Variants in MEIKIN observed in about 807,000 individuals in gnomAD.
MEIKIN encodes meiotic kinetochore factor.
intron 8 of MEIKIN, among the ~76,000 whole-genome samples, chr5:131,899,134 T>C (rs926063411): frequency 6.6e-6 from 1 of 152,098 alleles, no homozygotes; most frequent in African/African-American, 2.4e-5. Flanking sequence ...CAATAACTTT[T>C]CAAGACATAA....
intron 11 of MEIKIN, among the ~76,000 whole-genome samples, chr5:131,844,429 GA>G (rs1749974380): frequency 6.6e-6 from 1 of 152,204 alleles, no homozygotes; most frequent in African/African-American, 2.4e-5. Flanking sequence ...TTACTGCCTT[GA>G]GAGAATTTCT....
intron 4 of MEIKIN, among the ~76,000 whole-genome samples, chr5:131,934,771 C>T (rs1751745629): frequency 6.6e-6 from 1 of 152,092 alleles, no homozygotes; most frequent in South Asian, 2.1e-4. Context: ...AAAAGACAAG[C>T]TATAGGCTGG....
At chr5:131,859,671 T>G (rs1340919599) in intron 9 of MEIKIN, among the ~76,000 whole-genome samples, 1 of 152,200 alleles carries the variant, frequency 6.6e-6, no homozygotes, top group African/African-American at 2.4e-5. Context: ...AAATCTCTTT[T>G]CTTATAAATT....
chr5:131,909,438 T>C (rs1482688025), intron 8 of MEIKIN, among the ~76,000 whole-genome samples: 6 of 152,072 alleles, frequency 3.9e-5, no homozygotes, highest in Admixed American at 3.9e-4. Context: ...AAAACTTAAA[T>C]CTAAGACCTC....
chr5:131,934,396 G>C (rs1751739300), intron 4 of MEIKIN, among the ~76,000 whole-genome samples: 1 of 152,040 alleles, frequency 6.6e-6, no homozygotes, highest in Non-Finnish European at 1.5e-5. Flanking sequence ...TAATAAGAGA[G>C]CATGGAAATA....
intron 11 of MEIKIN, 21 bp downstream of exon 11, chr5:131,851,243 A>G (rs1750109306): frequency 2.5e-6 from 1 of 397,540 alleles, no homozygotes; most frequent in African/African-American, 2.1e-5. Flanking sequence ...TAGTAATTGA[A>G]GGAAAAATGG....
At chr5:131,892,243 C>T (rs1750936739) in intron 8 of MEIKIN, among the ~76,000 whole-genome samples, 1 of 152,112 alleles carries the variant, frequency 6.6e-6, no homozygotes, top group African/African-American at 2.4e-5. Flanking sequence ...TCTGTATTTC[C>T]TGAATGTGAA....
chr5:131,828,945 G>C (rs1176136894), intron 11 of MEIKIN, among the ~76,000 whole-genome samples: 2 of 152,118 alleles, frequency 1.3e-5, no homozygotes, highest in Non-Finnish European at 2.9e-5. Context: ...TATCAAACTT[G>C]TTGGATAAAG....
chr5:131,898,810 G>A (rs1019780387), intron 8 of MEIKIN, among the ~76,000 whole-genome samples: 5 of 152,212 alleles, frequency 3.3e-5, no homozygotes, highest in Non-Finnish European at 5.9e-5. Flanking sequence ...GGAGTGTCCC[G>A]TTTTTCCATG....
chr5:131,872,222 CCAATGG>C (rs1410907786), intron 9 of MEIKIN, among the ~76,000 whole-genome samples: 1 of 141,174 alleles, frequency 7.1e-6, no homozygotes, highest in African/African-American at 2.7e-5. Flanking sequence ...GAAGTTCAAA[CCAATGG>C]CAAAGAAGTT....
chr5:131,836,659 C>T (rs1561727401), intron 11 of MEIKIN, among the ~76,000 whole-genome samples: 1 of 149,644 alleles, frequency 6.7e-6, no homozygotes, highest in African/African-American at 2.5e-5. Flanking sequence ...TGATGTTGAG[C>T]TTTTTTTTTA....
intron 8 of MEIKIN, among the ~76,000 whole-genome samples, chr5:131,894,201 A>T (rs1750992169): frequency 6.6e-6 from 1 of 152,130 alleles, no homozygotes; most frequent in Admixed American, 6.6e-5. Context: ...CAAAAATCAG[A>T]CGGTTGTAGA....
intron 4 of MEIKIN, among the ~76,000 whole-genome samples, chr5:131,935,858 A>G (rs1156851217): frequency 6.6e-6 from 1 of 151,592 alleles, no homozygotes; most frequent in East Asian, 2.0e-4. Context: ...GACTGACTCA[A>G]TCTACCATCC....
intron 8 of MEIKIN, among the ~76,000 whole-genome samples, chr5:131,911,532 G>A (rs1432985788): frequency 6.6e-6 from 1 of 151,386 alleles, no homozygotes; most frequent in Non-Finnish European, 1.5e-5. Context: ...GAGGAAAAGT[G>A]TATCACTTCC....
At chr5:131,864,531 A>C (rs1172465376) in intron 9 of MEIKIN, among the ~76,000 whole-genome samples, 1 of 152,212 alleles carries the variant, frequency 6.6e-6, no homozygotes, top group Non-Finnish European at 1.5e-5. Flanking sequence ...TTCTTTCAGC[A>C]CTTTGAATAT....
chr5:131,892,118 AC>A (rs1200242338), intron 8 of MEIKIN, among the ~76,000 whole-genome samples: 1 of 152,152 alleles, frequency 6.6e-6, no homozygotes, highest in African/African-American at 2.4e-5. Context: ...TTTGTGGGTA[AC>A]CCAACCTTTC....
At chr5:131,850,945 CA>C (rs571646467) in intron 11 of MEIKIN, among the ~76,000 whole-genome samples, 8 of 143,242 alleles carry the variant, frequency 5.6e-5, no homozygotes, top group Non-Finnish European at 1.1e-4. Flanking sequence ...GAGACTCTGT[CA>C]AAAAAAAAGA....
chr5:131,849,130 C>T (rs1308779749), intron 11 of MEIKIN, among the ~76,000 whole-genome samples: 1 of 152,048 alleles, frequency 6.6e-6, no homozygotes, highest in African/African-American at 2.4e-5. Flanking sequence ...ATTGTAATCC[C>T]CAATGTTGGA....
intron 11 of MEIKIN, among the ~76,000 whole-genome samples, chr5:131,842,294 T>C (rs1055038243): frequency 6.6e-6 from 1 of 152,198 alleles, no homozygotes; most frequent in African/African-American, 2.4e-5. Flanking sequence ...ATGCTTTTTA[T>C]TTCTTTTCAT....
Sources: gnomAD v4.1 joint callset for allele counts (sites outside exome capture counted in the v4.1 genomes callset) on GRCh38, gnomAD v4.1.1 for gene constraint, MANE v1.5 for transcripts, NCBI Gene and HGNC (gene_info 2026-07-23, HGNC 2026-07-21) for gene names.